DYM: variants seen among roughly 807,000 people sequenced by gnomAD.
The protein encoded by DYM is dyggve-Melchior-Clausen syndrome protein.
A neutral mutation model predicts 93.1 loss-of-function variants in DYM; 78 were observed. The observed-to-expected ratio is 0.84, with a 90% CI of 0.70 to 1.01. The LOEUF (loss-of-function observed/expected upper bound fraction) is 1.01, where lower values mean the gene tolerates loss of function less well. Ranked by LOEUF, DYM falls within the 50% of genes least tolerant of loss-of-function variation. The probability of loss-of-function intolerance (pLI) is 0.00; values close to 1 mark genes in which losing one functional copy is unlikely to be tolerated. For missense variants in DYM, 789 were observed against 845.0 expected (o/e 0.93, Z 0.82); for synonymous variants, 321 against 319.7 (o/e 1.00, Z -0.04).
chr18:49,069,308 C>T (rs530224655), intron 17 of DYM, among the ~76,000 whole-genome samples: 1 of 152,336 alleles, frequency 6.6e-6, no homozygotes, highest in South Asian at 2.1e-4. Flanking sequence ...GAAAATCATT[C>T]AGCAATTTAT....
chr18:49,225,301 A>T (rs1053533547), intron 13 of DYM, among the ~76,000 whole-genome samples: 1 of 152,270 alleles, frequency 6.6e-6, no homozygotes, highest in South Asian at 2.1e-4. Flanking sequence ...GAATGTCAGG[A>T]AACTATACAA....
chr18:49,115,369 T>A (rs529722111), intron 16 of DYM, among the ~76,000 whole-genome samples: 1 of 152,304 alleles, frequency 6.6e-6, no homozygotes, highest in East Asian at 1.9e-4. Flanking sequence ...ATATTGCCTA[T>A]CACAATGAAA....
At chr18:49,307,826 G>A (rs1359551384) in intron 8 of DYM, among the ~76,000 whole-genome samples, 1 of 152,144 alleles carries the variant, frequency 6.6e-6, no homozygotes, top group African/African-American at 2.4e-5. Context: ...CAAAACATGT[G>A]CTATGAATCA....
At chr18:49,273,264 T>C (rs1329042045) in intron 10 of DYM, among the ~76,000 whole-genome samples, 1 of 152,186 alleles carries the variant, frequency 6.6e-6, no homozygotes, top group African/African-American at 2.4e-5. Flanking sequence ...ATGAGCACTA[T>C]TAACTTCCAG....
chr18:49,113,532 C>T (rs935903164), intron 16 of DYM, among the ~76,000 whole-genome samples: 5 of 152,140 alleles, frequency 3.3e-5, no homozygotes, highest in African/African-American at 1.2e-4. Flanking sequence ...ATACTGAGTG[C>T]TGCTAAATGT....
rs534308665 is a variant in DYM at position 49,401,990 on chromosome 18, C to T, written c.141-10345G>A. Among the ~76,000 whole-genome samples, 4 of 150,162 alleles carry T rather than the reference C, an allele frequency of 2.7e-5. 1 individual carries two copies. In the South Asian group the frequency reaches 8.4e-4, roughly 31 times the overall value. On this transcript the variant is annotated intron_variant, in intron 2 of 17. Transcript: ENST00000675505. ...GCAGTGAGCCGAGATGACACCACTG[C>T]ACTCCAGCCTGGGCAACAAGAGCGA... is the stretch of plus-strand genomic sequence containing the variant.
chr18:49,392,681 T>TAAAAAAAAAAAAAAA (rs869086187), intron 2 of DYM, among the ~76,000 whole-genome samples: 1 of 68,470 alleles, frequency 1.5e-5, no homozygotes, highest in African/African-American at 6.7e-5. Flanking sequence ...GGCTTTTATT[T>TAAAAAAAAAAAAAAA]AAAAAAAAAA....
chr18:49,332,260 G>A (rs942904725), intron 7 of DYM, among the ~76,000 whole-genome samples: 4 of 151,900 alleles, frequency 2.6e-5, no homozygotes, highest in African/African-American at 9.7e-5. Flanking sequence ...CTTTTTTTCT[G>A]CAGTGGGGAG....
chr18:49,192,981 G>C (rs1321772041), intron 14 of DYM, among the ~76,000 whole-genome samples: 1 of 152,052 alleles, frequency 6.6e-6, no homozygotes, highest in African/African-American at 2.4e-5. Flanking sequence ...TCCTTTTTTA[G>C]ATCAATTGCA....
chr18:49,350,497 G>A, intron 6 of DYM, among the ~76,000 whole-genome samples: 1 of 152,238 alleles, frequency 6.6e-6, no homozygotes, highest in East Asian at 1.9e-4. Flanking sequence ...CACGAGGTCA[G>A]GAGTTTGAGA....
intron 8 of DYM, among the ~76,000 whole-genome samples, chr18:49,289,763 A>ATATATACG (rs2059965875): frequency 1.7e-5 from 1 of 58,496 alleles, no homozygotes; most frequent in African/African-American, 7.6e-5. Flanking sequence ...ATATATATAT[A>ATATATACG]TATATATATA....
At chr18:49,070,894 A>G (rs2076828556) in intron 17 of DYM, among the ~76,000 whole-genome samples, 1 of 152,260 alleles carries the variant, frequency 6.6e-6, no homozygotes. Context: ...AATGATCAAG[A>G]GTCCACATGG....
chr18:49,346,102 A>G (rs1039930676), intron 6 of DYM, among the ~76,000 whole-genome samples: 12 of 152,222 alleles, frequency 7.9e-5, no homozygotes, highest in African/African-American at 2.9e-4. Flanking sequence ...CAGAGTTACC[A>G]TATCACTTAG....
chr18:49,272,157 A>C, intron 11 of DYM, 21 bp downstream of exon 11: 1 of 1,609,754 alleles, frequency 6.2e-7, no homozygotes, highest in Non-Finnish European at 8.5e-7. Context: ...TCTAACTCTA[A>C]TCCAAGTAAT....
intron 14 of DYM, among the ~76,000 whole-genome samples, chr18:49,170,780 CAAAAAAAAAAAAAAA>C (rs34297501): frequency 6.4e-5 from 2 of 31,212 alleles, no homozygotes; most frequent in African/African-American, 1.4e-4. Flanking sequence ...GACTCCGTCT[CAAAAAAAAAAAAAAA>C]AAAAAAAAAA....
chr18:49,125,802 T>C (rs2082765798), intron 15 of DYM, among the ~76,000 whole-genome samples: 1 of 152,210 alleles, frequency 6.6e-6, no homozygotes, highest in Non-Finnish European at 1.5e-5. Context: ...TTTGAAAGGC[T>C]CCTCATTCTT....
intron 17 of DYM, among the ~76,000 whole-genome samples, chr18:49,076,805 T>C (rs1426186618): frequency 6.6e-6 from 1 of 152,202 alleles, no homozygotes; most frequent in Non-Finnish European, 1.5e-5. Flanking sequence ...CTTTCATAGC[T>C]TTTCTTCTGT....
intron 2 of DYM, among the ~76,000 whole-genome samples, chr18:49,403,000 C>G (rs977222270): frequency 6.6e-5 from 10 of 152,178 alleles, no homozygotes; most frequent in Non-Finnish European, 1.2e-4. Flanking sequence ...ACTCATAGGA[C>G]AGCTATGAAG....
At chr18:49,272,752 G>A (rs1599037592) in intron 10 of DYM, among the ~76,000 whole-genome samples, 1 of 152,200 alleles carries the variant, frequency 6.6e-6, no homozygotes, top group East Asian at 1.9e-4. Flanking sequence ...AAATAAATAT[G>A]TAATTAGACT....
Sources: gnomAD v4.1 joint callset for allele counts (sites outside exome capture counted in the v4.1 genomes callset) on GRCh38, gnomAD v4.1.1 for gene constraint, MANE v1.5 for transcripts, NCBI Gene and HGNC (gene_info 2026-07-23, HGNC 2026-07-21) for gene names.